Variants in IQCM observed in about 807,000 individuals in gnomAD.
IQCM encodes IQ domain-containing protein M.
Under a neutral mutation model 57.6 loss-of-function variants are expected in IQCM, and 45 were observed. The ratio of observed to expected loss-of-function variants is 0.78; its 90% CI spans 0.62 to 1.00. The LOEUF is 1.00. Ranked by LOEUF, IQCM falls within the 50% of genes least tolerant of loss-of-function variation. The pLI, the probability that IQCM is intolerant of heterozygous loss-of-function variation, is 0.00. For missense variants in IQCM, 468 were observed against 511.6 expected, an observed-to-expected ratio of 0.91 and a Z score of 0.82; for synonymous variants, 148 against 158.9, an observed-to-expected ratio of 0.93 and a Z score of 0.51.
chr4:149,402,826 A>G (rs1206464078), intron 13 of IQCM, among the ~76,000 whole-genome samples: 1 of 151,842 alleles, frequency 6.6e-6, no homozygotes, highest in Non-Finnish European at 1.5e-5. Flanking sequence ...CAGTTTCACA[A>G]AAAAGGTTTT....
chr4:149,567,589 C>G (rs78837554), intron 9 of IQCM, among the ~76,000 whole-genome samples: 5,830 of 152,026 alleles, frequency 0.038, 391 homozygotes, highest in African/African-American at 0.13. Flanking sequence ...CTCAAATGAT[C>G]CCCTGCCTCC....
At chr4:149,766,362 T>A (rs1011854158) in intron 2 of IQCM, among the ~76,000 whole-genome samples, 1 of 152,112 alleles carries the variant, frequency 6.6e-6, no homozygotes, top group Admixed American at 6.5e-5. Context: ...CCAGTTCCTG[T>A]TATTGATGCC....
chr4:149,634,635 T>C (rs1048730889), intron 7 of IQCM, among the ~76,000 whole-genome samples: 2 of 152,174 alleles, frequency 1.3e-5, no homozygotes, highest in Non-Finnish European at 2.9e-5. Flanking sequence ...TGCAAACTTA[T>C]AACAAAAGCC....
At position 149,563,756 on chromosome 4, in the gene IQCM, G is replaced by T. The variant is rs10003632; in HGVS notation, c.884C>A (p.Thr295Asn). 10,563 of 1,231,940 alleles carry T rather than the reference G, an allele frequency of 8.6e-3. 642 individuals are homozygous for T. In the African/African-American group the frequency reaches 0.13, roughly 16 times the overall value. 76.3% of individuals were successfully genotyped at this position (1,231,940 alleles called of 1,614,324 possible). A position where few individuals can be genotyped will look rare whatever the true frequency, so the allele number is the denominator to read the frequency against. ...TCCCCTGACATGTGCCTGCATGACGGTGACCATTCTAATCAATTTTGGGGT... is the reference window on the plus strand; with the variant it reads ...TCCCCTGACATGTGCCTGCATGACGTTGACCATTCTAATCAATTTTGGGGT... ...MITPKLIRMV[T>N]VMQAHVRGWL... Residue 295 changes from threonine (T) to asparagine (N), a missense_variant, in exon 10 of 14, where the codon ACC (threonine) becomes AAC (asparagine). Thr to Asn is a moderately conservative substitution (Grantham distance 65). Transcript: ENST00000636793.
At chr4:149,563,652 G>A in intron 10 of IQCM, 40 bp downstream of exon 10, 1 of 1,190,700 alleles carries the variant, frequency 8.4e-7, no homozygotes. Flanking sequence ...AATCTAATGA[G>A]AAATTTTAAA....
intron 12 of IQCM, among the ~76,000 whole-genome samples, chr4:149,436,980 C>T (rs1269422243): frequency 6.6e-6 from 1 of 152,080 alleles, no homozygotes; most frequent in African/African-American, 2.4e-5. Context: ...AATTTGCTGA[C>T]AATCCTATGA....
chr4:149,494,443 A>C (rs1208727510), intron 12 of IQCM, among the ~76,000 whole-genome samples: 1 of 152,118 alleles, frequency 6.6e-6, no homozygotes, highest in Non-Finnish European at 1.5e-5. Flanking sequence ...ATGAGATTGT[A>C]CTTTTAATGC....
At chr4:149,519,559 AG>A (rs1285506608) in intron 12 of IQCM, among the ~76,000 whole-genome samples, 1 of 151,812 alleles carries the variant, frequency 6.6e-6, no homozygotes, top group Non-Finnish European at 1.5e-5. Flanking sequence ...TGAACCCAGG[AG>A]GCGTGAACCC....
intron 9 of IQCM, among the ~76,000 whole-genome samples, chr4:149,577,384 A>G (rs560421725): frequency 1.4e-3 from 220 of 152,058 alleles, no homozygotes; most frequent in African/African-American, 5.1e-3. Context: ...TTAAGTCTTT[A>G]ATCCGTCTTG....
intron 12 of IQCM, among the ~76,000 whole-genome samples, chr4:149,518,932 AAGAG>A (rs1745289693): frequency 6.6e-6 from 1 of 152,186 alleles, no homozygotes; most frequent in South Asian, 2.1e-4. Context: ...AAAGGAAACA[AAGAG>A]AGAATATTAA....
chr4:149,815,788 T>A lies in IQCM; in HGVS notation c.-275A>T, dbSNP rs903798412. On this transcript the variant is annotated 5_prime_UTR_variant, in exon 1 of 14. Transcript: ENST00000636793. ...ATAGGTAATGAATATTTCAAATAGA[T>A]TCCTAAATCCTGCCAATCTTCTGAT... is the stretch of plus-strand genomic sequence containing the variant. The A allele has an allele frequency of 1.3e-5, 2 of 152,004 alleles. No individual in the cohort carries two copies. The highest frequency in any genetic ancestry group is 4.8e-5 in the African/African-American group (2 of 41,426). The allele number at this position is 152,004 out of a possible 1,614,324, so 9.4% of individuals were successfully genotyped here.
intron 8 of IQCM, among the ~76,000 whole-genome samples, chr4:149,589,578 C>T (rs1561027731): frequency 6.6e-6 from 1 of 151,982 alleles, no homozygotes. Flanking sequence ...GCTGCCATCT[C>T]AGATGCAATC....
chr4:149,625,998 T>C (rs958039602), intron 7 of IQCM, among the ~76,000 whole-genome samples: 1 of 152,126 alleles, frequency 6.6e-6, no homozygotes, highest in Admixed American at 6.6e-5. Context: ...ATACTTTTTG[T>C]GCTGTGATGG....
chr4:149,815,693 ATTCT>A lies in IQCM; in HGVS notation c.-184_-181del, dbSNP rs1774997156. On this transcript the variant is annotated 5_prime_UTR_variant, in exon 1 of 14. Transcript: ENST00000636793. The stretch of plus-strand genomic sequence containing the variant: ...TTGCTTCACAGCATAGAAACCTTGT[ATTCT>A]TCCTTTATTATTTATCTTTAATTAT... 6.6e-6 allele frequency: 1 copy of A among 152,014 alleles called. No homozygotes were observed. The highest frequency in any genetic ancestry group is 2.4e-5 in the African/African-American group (1 of 41,434). 9.4% of individuals were successfully genotyped at this position (152,014 alleles called of 1,614,324 possible). A position where few individuals can be genotyped will look rare whatever the true frequency, so the allele number is the denominator to read the frequency against.
chr4:149,669,110 C>T, intron 7 of IQCM, among the ~76,000 whole-genome samples: 1 of 152,152 alleles, frequency 6.6e-6, no homozygotes, highest in African/African-American at 2.4e-5. Context: ...TAAAAGTGTT[C>T]CTATTTCTCC....
intron 2 of IQCM, among the ~76,000 whole-genome samples, chr4:149,746,749 C>T (rs974925207): frequency 6.6e-6 from 1 of 152,184 alleles, no homozygotes; most frequent in African/African-American, 2.4e-5. Context: ...GTTTCTAAAA[C>T]ACTATTATTC....
chr4:149,418,238 A>G (rs924214177), intron 13 of IQCM, among the ~76,000 whole-genome samples: 4 of 151,938 alleles, frequency 2.6e-5, no homozygotes, highest in Non-Finnish European at 5.9e-5. Context: ...TCAAATAGAC[A>G]CAATAAAAAA....
In IQCM at chr4:149,637,006, G is replaced by C. The variant is rs886278152; in HGVS notation, c.566-15762C>G. ...AAAATACAAAAAATTAGCCGGGCGC[G>C]GTGGCAGGCGCCTGTAGTCCCAGCT... On this transcript the variant is annotated intron_variant, in intron 7 of 13. Coordinates refer to ENST00000636793, the MANE Select transcript of IQCM (RefSeq NM_001363507.2). 1.0e-3 allele frequency among the ~76,000 whole-genome samples: 155 copies of C among 151,606 alleles called. 1 individual carries two copies. The highest frequency in any genetic ancestry group is 3.6e-3 in the African/African-American group (148 of 41,422).
chr4:149,413,967 A>G (rs1381580546), intron 13 of IQCM, among the ~76,000 whole-genome samples: 1 of 152,208 alleles, frequency 6.6e-6, no homozygotes, highest in African/African-American at 2.4e-5. Flanking sequence ...GTATTCAGTG[A>G]AGCCATAACA....
Sources: gnomAD v4.1 joint callset for allele counts (sites outside exome capture counted in the v4.1 genomes callset) on GRCh38, gnomAD v4.1.1 for gene constraint, MANE v1.5 for transcripts, NCBI Gene and HGNC (gene_info 2026-07-23, HGNC 2026-07-21) for gene names.